INO80D: variants seen among roughly 807,000 people sequenced by gnomAD.
INO80D encodes INO80 complex subunit D.
Under a neutral mutation model 87.6 loss-of-function variants are expected in INO80D, and 21 were observed. The observed-to-expected ratio is 0.24, with a 90% CI of 0.17 to 0.35. INO80D has a LOEUF of 0.35. INO80D is among the 10% of genes least tolerant of loss of function. INO80D has a pLI of 1.00. For synonymous variants in INO80D, 440 were observed against 491.0 expected (o/e 0.90, Z 1.37); for missense variants, 982 against 1,280.7 (o/e 0.77, Z 3.56).
At chr2:206,027,967 T>G (rs1688660517) in intron 6 of INO80D, 144 bp downstream of exon 6, 1 of 483,302 alleles carries the variant, frequency 2.1e-6, no homozygotes, top group Non-Finnish European at 3.5e-6. Context: ...CTGTAGCACT[T>G]TAATAAAGCA....
At position 206,062,919 on chromosome 2, in the gene INO80D, T is replaced by A. The variant is rs375430554; in HGVS notation, c.98A>T (p.Tyr33Phe). 2.5e-6 allele frequency: 4 copies of A among 1,613,316 alleles called. No individual in the cohort carries two copies. The highest frequency in any genetic ancestry group is 3.4e-6 in the Non-Finnish European group (4 of 1,179,792). The change falls in exon 3 of 11, where the codon TAC becomes TTC. Residue 33 changes from tyrosine (Y) to phenylalanine (F), a missense_variant. Tyr to Phe is a conservative substitution (Grantham distance 22, BLOSUM62 3). Transcript: ENST00000403263. This position sits in a 1 kb window ranked among gnomAD's most constrained non-coding sequence, Gnocchi z 4.6. Reference protein sequence around the residue: ...KLCKQRRLNGYAFCIRHVLED... With the variant: ...KLCKQRRLNGFAFCIRHVLED... The stretch of plus-strand genomic sequence containing the variant: ...CAGAACGTGTCTGATACAGAAGGCG[T>A]AGCCGTTGAGTCGCCTCTGCTTGCA...
chr2:206,020,591 T>C (rs904851970), intron 6 of INO80D, among the ~76,000 whole-genome samples: 2 of 152,170 alleles, frequency 1.3e-5, no homozygotes, highest in Non-Finnish European at 2.9e-5. Context: ...GTGCAATCCA[T>C]GTTTCATTAT....
At chr2:206,067,962 A>G (rs1689864243) in intron 1 of INO80D, among the ~76,000 whole-genome samples, 1 of 152,228 alleles carries the variant, frequency 6.6e-6, no homozygotes, top group African/African-American at 2.4e-5. Context: ...ATGCAACTCA[A>G]CTGAGCATTT....
intron 4 of INO80D, among the ~76,000 whole-genome samples, chr2:206,049,649 T>C (rs1005718478): frequency 6.6e-6 from 1 of 152,178 alleles, no homozygotes; most frequent in Non-Finnish European, 1.5e-5. Context: ...CTAGCTGACA[T>C]AACTAGCCCA....
chr2:206,023,211 A>G (rs1433882255), intron 6 of INO80D, among the ~76,000 whole-genome samples: 1 of 151,966 alleles, frequency 6.6e-6, no homozygotes, highest in African/African-American at 2.4e-5. Context: ...CAAAAAACTA[A>G]AAAATTAATA....
chr2:206,058,343 C>T (rs1488793764), intron 3 of INO80D, among the ~76,000 whole-genome samples: 2 of 150,382 alleles, frequency 1.3e-5, no homozygotes, highest in African/African-American at 4.9e-5. Context: ...GGCGCGAACC[C>T]CGGAGGCAGA....
intron 1 of INO80D, among the ~76,000 whole-genome samples, chr2:206,083,438 T>C (rs938791049): frequency 1.3e-4 from 20 of 152,308 alleles, no homozygotes; most frequent in African/African-American, 4.8e-4. Context: ...TTGGTACACA[T>C]GTTTAAAAAA....
chr2:206,026,744 G>C (rs1688625673), intron 6 of INO80D, among the ~76,000 whole-genome samples: 1 of 150,702 alleles, frequency 6.6e-6, no homozygotes, highest in South Asian at 2.1e-4. Context: ...AAATTTTATA[G>C]GTATAAACAA....
intron 1 of INO80D, among the ~76,000 whole-genome samples, chr2:206,074,204 T>C (rs1690047292): frequency 6.6e-6 from 1 of 152,266 alleles, no homozygotes; most frequent in African/African-American, 2.4e-5. Context: ...CAGCAGAATA[T>C]ACACTGTTAT....
intron 1 of INO80D, among the ~76,000 whole-genome samples, chr2:206,076,238 G>A (rs1396209004): frequency 6.6e-6 from 1 of 152,226 alleles, no homozygotes; most frequent in East Asian, 1.9e-4. Flanking sequence ...TAAATTATCA[G>A]AATGTTTGTT....
chr2:206,018,684 G>A (rs1688382775), intron 7 of INO80D, among the ~76,000 whole-genome samples: 1 of 152,088 alleles, frequency 6.6e-6, no homozygotes. Flanking sequence ...ACTGTGGGAG[G>A]CTAAGGTGGG....
rs1688357694 is a variant in INO80D, at chr2:206,017,767, G to A, written c.1455C>T (p.Ala485=). 2.5e-6 allele frequency: 4 copies of A among 1,613,638 alleles called. No individual in the cohort carries two copies. The highest frequency in any genetic ancestry group is 1.7e-4 in the Middle Eastern group (1 of 6,058). ...HSQQLFSSCT[A]KFADGQQCSV... ...AGCACTGCTGTCCATCTGCAAACTT[G>A]GCTGTGCAACTTGAGAAGAGCTGCT... is the stretch of plus-strand genomic sequence containing the variant. Residue 485 remains alanine, a synonymous_variant, in exon 8 of 11, where the codon GCC becomes GCT. Coordinates refer to ENST00000403263, the MANE Select transcript of INO80D (RefSeq NM_017759.5).
rs776146146 is a variant in INO80D at position 206,056,179 on chromosome 2, G to A, written c.964+19C>T. Reference sequence around the variant, plus strand: ...TTGTCATATTATGTGTCTATGATACGATAAAATAGATAACTCACCTAAATG... The same window carrying A: ...TTGTCATATTATGTGTCTATGATACAATAAAATAGATAACTCACCTAAATG... On this transcript the variant is annotated intron_variant, in intron 4 of 10. Coordinates refer to ENST00000403263, the MANE Select transcript of INO80D (RefSeq NM_017759.5). 50 of 1,547,970 alleles carry A rather than the reference G, an allele frequency of 3.2e-5. No individual in the cohort carries two copies. The highest frequency in any genetic ancestry group is 1.3e-4 in the South Asian group (10 of 79,432).
chr2:206,056,285 G>A lies in INO80D; in HGVS notation c.877C>T (p.His293Tyr), dbSNP rs764523407. The A allele has an allele frequency of 1.2e-5, 20 of 1,613,888 alleles. No homozygotes were observed. The highest frequency in any genetic ancestry group is 8.0e-5 in the African/African-American group (6 of 74,944). Residue 293 changes from histidine to tyrosine, a missense_variant, in exon 4 of 11, where the codon CAC becomes TAC. His to Tyr is a moderately conservative substitution (Grantham distance 83). Transcript: ENST00000403263. ...ILMKATAFSP[H>Y]FSCISRLQRL... ...TGCAGTCGGCTTATACATGAGAAGT[G>A]TGGAGAGAAGGCTGTGGCTTTCATG...
At chr2:206,039,849 A>G (rs964931111) in intron 5 of INO80D, among the ~76,000 whole-genome samples, 2 of 151,284 alleles carry the variant, frequency 1.3e-5, no homozygotes, top group Non-Finnish European at 2.9e-5. Flanking sequence ...AAGAAAAAAT[A>G]TTATAATGGA....
chr2:206,019,660 G>T (rs1429641767), intron 7 of INO80D, 76 bp downstream of exon 7: 2 of 986,294 alleles, frequency 2.0e-6, no homozygotes, highest in Non-Finnish European at 3.1e-6. Context: ...TCATTCACTT[G>T]AATTAAAAAT....
At chr2:206,083,928 A>C (rs979123599) in intron 1 of INO80D, among the ~76,000 whole-genome samples, 1 of 151,282 alleles carries the variant, frequency 6.6e-6, no homozygotes, top group Admixed American at 6.6e-5. Context: ...AAACACGCCC[A>C]CACTGGGGAC....
intron 6 of INO80D, among the ~76,000 whole-genome samples, chr2:206,026,362 A>G (rs986692277): frequency 6.6e-6 from 1 of 152,086 alleles, no homozygotes; most frequent in African/African-American, 2.4e-5. Flanking sequence ...CCTGGCCAAC[A>G]TGGTGAAACC....
At chr2:206,083,860 CAAAA>C (rs35840816) in intron 1 of INO80D, among the ~76,000 whole-genome samples, 44 of 99,572 alleles carry the variant, frequency 4.4e-4, no homozygotes, top group Middle Eastern at 6.2e-3. Flanking sequence ...CTAAGCTCAC[CAAAA>C]AAAAAAAAAA....
Sources: gnomAD v4.1 joint callset for allele counts (sites outside exome capture counted in the v4.1 genomes callset) on GRCh38, gnomAD v4.1.1 for gene constraint, Gnocchi (gnomAD v3.1) non-coding constraint, MANE v1.5 for transcripts, NCBI Gene and HGNC (gene_info 2026-07-23, HGNC 2026-07-21) for gene names.